CTNND2: variants seen among roughly 807,000 people sequenced by gnomAD.
CTNND2 encodes the protein catenin delta-2.
In CTNND2, 22 loss-of-function variants were observed where a neutral mutation model predicts 144.4. The ratio of observed to expected loss-of-function variants is 0.15; its 90% CI spans 0.11 to 0.22. The LOEUF is 0.22. Among genes scored for constraint, CTNND2 ranks in the 10% least tolerant of loss-of-function variants. The pLI is 1.00. For synonymous variants in CTNND2, 751 were observed against 695.6 expected, an observed-to-expected ratio of 1.08 and a Z score of -1.25; for missense variants, 1,353 against 1,618.8, an observed-to-expected ratio of 0.84 and a Z score of 2.82.
At chr5:11,257,886 A>T (rs1436422705) in intron 9 of CTNND2, among the ~76,000 whole-genome samples, 1 of 152,180 alleles carries the variant, frequency 6.6e-6, no homozygotes, top group Admixed American at 6.5e-5. Context: ...GGCACCTGAC[A>T]GTCTCCATGC....
chr5:11,861,228 C>T (rs540382262), intron 1 of CTNND2, among the ~76,000 whole-genome samples: 3 of 152,336 alleles, frequency 2.0e-5, no homozygotes, highest in African/African-American at 7.2e-5. Context: ...CAACTCTAGA[C>T]TCGTATCATC....
chr5:11,662,178 CAT>C (rs531561373), intron 2 of CTNND2, among the ~76,000 whole-genome samples: 7 of 120,392 alleles, frequency 5.8e-5, no homozygotes, highest in South Asian at 5.2e-4. Context: ...TGTATATATA[CAT>C]ATATGTGTAT....
In CTNND2 at chr5:11,236,693, C is replaced by T. The variant is rs1427127328; in HGVS notation, c.1759G>A (p.Glu587Lys). ...TTCAGAATCCAAGGAGCACTGACCT[C>T]GGCTTTAATTTTGTTGTCTCCAAAA... is the stretch of plus-strand genomic sequence containing the variant. The part of the protein sequence containing the change: ...LCFGDNKIKA[E>K]IRRQGGIQLL... Residue 587 changes from glutamate (E) to lysine (K), a missense_variant and splice_region_variant, in exon 10 of 22, where the codon GAG becomes AAG. This residue lies in a region of CTNND2 where 69 missense variants were observed against 120.3 expected (regional missense o/e 0.57). Coordinates refer to ENST00000304623, the MANE Select transcript of CTNND2 (RefSeq NM_001332.4). 3.1e-6 allele frequency: 5 copies of T among 1,614,128 alleles called. No homozygotes were observed. Among genetic ancestry groups the T allele is most frequent in the Non-Finnish European group, 3.4e-6 (4 of 1,179,996 alleles).
rs555524544 is a variant in CTNND2 at position 11,728,942 on chromosome 5, G to A, written c.174+3194C>T. Among the ~76,000 whole-genome samples the A allele has an allele frequency of 5.9e-5, 9 of 152,032 alleles. No homozygotes were observed. The South Asian group carries it at 6.2e-4, about 11-fold the overall frequency. On this transcript the variant is annotated intron_variant, in intron 2 of 21. Coordinates refer to ENST00000304623, the MANE Select transcript of CTNND2 (RefSeq NM_001332.4). Reference sequence around the variant, plus strand: ...CTACAGATAATATTCTAGACTTGAGGAAAAAAATAAGGAACCTTTAAGAAT... The same window carrying A: ...CTACAGATAATATTCTAGACTTGAGAAAAAAAATAAGGAACCTTTAAGAAT...
intron 10 of CTNND2, among the ~76,000 whole-genome samples, chr5:11,225,511 AC>A (rs1438415869): frequency 1.3e-5 from 2 of 152,060 alleles, no homozygotes; most frequent in African/African-American, 4.8e-5. Flanking sequence ...CTTTTATATC[AC>A]CAGCTACCCC....
At chr5:11,890,956 A>T (rs1369066832) in intron 1 of CTNND2, among the ~76,000 whole-genome samples, 4 of 152,148 alleles carry the variant, frequency 2.6e-5, no homozygotes, top group Non-Finnish European at 5.9e-5. Flanking sequence ...GATGTGGGTG[A>T]ACTAGAAGGA....
At chr5:11,556,078 GT>G (rs1396531640) in intron 3 of CTNND2, among the ~76,000 whole-genome samples, 4 of 151,974 alleles carry the variant, frequency 2.6e-5, no homozygotes, top group African/African-American at 4.8e-5. Flanking sequence ...ATGAGAAATG[GT>G]TTTTTTCCTA....
At chr5:11,809,894 A>G (rs969452175) in intron 1 of CTNND2, among the ~76,000 whole-genome samples, 2 of 152,212 alleles carry the variant, frequency 1.3e-5, no homozygotes, top group African/African-American at 4.8e-5. Context: ...AGCAGTTCTC[A>G]ATGGAAGAGC....
chr5:11,084,825 T>C (rs1749962287), intron 15 of CTNND2, among the ~76,000 whole-genome samples: 1 of 152,168 alleles, frequency 6.6e-6, no homozygotes, highest in African/African-American at 2.4e-5. Context: ...AGATATTCAA[T>C]AACCTGCCCA....
intron 2 of CTNND2, among the ~76,000 whole-genome samples, chr5:11,721,461 C>G (rs1240255387): frequency 6.6e-6 from 1 of 151,930 alleles, no homozygotes; most frequent in East Asian, 1.9e-4. Context: ...TTTTTATAAA[C>G]ATGGAAAAAA....
intron 9 of CTNND2, among the ~76,000 whole-genome samples, chr5:11,301,748 C>T (rs1749631707): frequency 6.6e-6 from 1 of 152,218 alleles, no homozygotes; most frequent in African/African-American, 2.4e-5. Context: ...CATTTTTATA[C>T]TAAAGTCACA....
chr5:10,996,631 G>C (rs1739384551), intron 18 of CTNND2, among the ~76,000 whole-genome samples: 1 of 152,012 alleles, frequency 6.6e-6, no homozygotes, highest in African/African-American at 2.4e-5. Context: ...ACAGAGTCTC[G>C]CTCTGTCACC....
At chr5:11,160,591 C>G (rs16901329) in intron 11 of CTNND2, among the ~76,000 whole-genome samples, 19,909 of 151,964 alleles carry the variant, frequency 0.13, 2,484 homozygotes, top group East Asian at 0.33. Flanking sequence ...TTTGTTAGGA[C>G]AGTCTACATA....
intron 20 of CTNND2, among the ~76,000 whole-genome samples, chr5:10,984,889 C>CA (rs1737741053): frequency 6.6e-6 from 1 of 151,876 alleles, no homozygotes; most frequent in South Asian, 2.1e-4. Flanking sequence ...GCCTGGCCAA[C>CA]ATGGTTAAAC....
intron 9 of CTNND2, among the ~76,000 whole-genome samples, chr5:11,283,508 T>C (rs542577535): frequency 5.9e-5 from 9 of 151,870 alleles, no homozygotes; most frequent in African/African-American, 2.2e-4. Context: ...ACCCCGTCTC[T>C]ACTAAAAATA....
At chr5:11,479,011 A>T (rs910598463) in intron 3 of CTNND2, among the ~76,000 whole-genome samples, 2 of 152,138 alleles carry the variant, frequency 1.3e-5, no homozygotes, top group African/African-American at 4.8e-5. Flanking sequence ...CTTAAAAAAA[A>T]TTAGGTTTGG....
chr5:11,138,914 T>C (rs999580064), intron 12 of CTNND2, among the ~76,000 whole-genome samples: 2 of 152,072 alleles, frequency 1.3e-5, no homozygotes, highest in East Asian at 3.9e-4. Flanking sequence ...ATTGGAATCA[T>C]CTCCCCAAGA....
At chr5:11,669,282 G>T (rs980908079) in intron 2 of CTNND2, among the ~76,000 whole-genome samples, 2 of 152,164 alleles carry the variant, frequency 1.3e-5, no homozygotes, top group East Asian at 3.9e-4. Flanking sequence ...CCTATAAAAT[G>T]AGTTAGGGAG....
chr5:11,314,363 C>T (rs965821742), intron 9 of CTNND2, among the ~76,000 whole-genome samples: 1 of 152,084 alleles, frequency 6.6e-6, no homozygotes, highest in Non-Finnish European at 1.5e-5. Flanking sequence ...AAGTCTTCTT[C>T]CCCTAGAGAC....
Sources: allele counts gnomAD v4.1 joint callset (sites outside exome capture counted in the v4.1 genomes callset), GRCh38; gene constraint gnomAD v4.1.1; regional missense constraint gnomAD v4.1.1; transcripts MANE v1.5; gene names NCBI Gene and HGNC (gene_info 2026-07-23, HGNC 2026-07-21).